The following RPIA variants were observed in gnomAD, a reference collection of about 807,000 sequenced individuals.
RPIA encodes the protein ribose 5-phosphate isomerase A.
RPIA carries 29 observed loss-of-function variants against 37.8 expected under a neutral mutation model. The observed-to-expected ratio is 0.77, with a 90% confidence interval of 0.57 to 1.05. RPIA has a LOEUF of 1.05. RPIA is among the 50% of genes least tolerant of loss of function. The pLI is 0.00. For synonymous variants in RPIA, 167 were observed against 157.0 expected, an observed-to-expected ratio of 1.06 and a Z score of -0.48; for missense variants, 385 against 413.6, an observed-to-expected ratio of 0.93 and a Z score of 0.60.
intron 3 of RPIA, 61 bp downstream of exon 3, chr2:88,700,125 G>T (rs1672810418): frequency 1.3e-6 from 2 of 1,538,280 alleles, no homozygotes; most frequent in Non-Finnish European, 1.8e-6. Flanking sequence ...GTTCCCCGGG[G>T]TTGTGGACCT....
intron 3 of RPIA, among the ~76,000 whole-genome samples, chr2:88,719,790 A>G (rs1261488849): frequency 2.0e-5 from 3 of 152,202 alleles, no homozygotes; most frequent in African/African-American, 4.8e-5. Flanking sequence ...TATAACTTCC[A>G]TAAGTCTTTT....
chr2:88,735,038 G>C (rs902161378), intron 5 of RPIA, among the ~76,000 whole-genome samples: 4 of 152,230 alleles, frequency 2.6e-5, no homozygotes, highest in African/African-American at 7.2e-5. Flanking sequence ...TATTTCTTAA[G>C]TGCTGATTTG....
chr2:88,738,746 CA>C (rs1301628336), intron 8 of RPIA, among the ~76,000 whole-genome samples: 5 of 152,198 alleles, frequency 3.3e-5, no homozygotes, highest in African/African-American at 1.2e-4. Flanking sequence ...CTTGGCATAA[CA>C]TAAGTTAAAC....
chr2:88,727,077 G>A (rs1673206180), intron 3 of RPIA, among the ~76,000 whole-genome samples: 1 of 148,678 alleles, frequency 6.7e-6, no homozygotes, highest in South Asian at 2.1e-4. Flanking sequence ...TATCTCTTGT[G>A]TGCGTGCGTG....
At chr2:88,692,122 T>G in intron 1 of RPIA, 139 bp downstream of exon 1, 7 of 1,077,916 alleles carry the variant, frequency 6.5e-6, no homozygotes, top group Non-Finnish European at 9.2e-6. Context: ...GTGTGCACTT[T>G]ACCCGAGTTT....
At chr2:88,745,763 A>G (rs1475887541) in intron 8 of RPIA, among the ~76,000 whole-genome samples, 2 of 152,094 alleles carry the variant, frequency 1.3e-5, no homozygotes, top group Admixed American at 1.3e-4. Flanking sequence ...CTAGGTGGTG[A>G]TCTTTTTGCA....
chr2:88,739,117 G>A (rs1039741452), intron 8 of RPIA, among the ~76,000 whole-genome samples: 9 of 152,188 alleles, frequency 5.9e-5, no homozygotes, highest in Admixed American at 5.9e-4. Flanking sequence ...GCTAGAGGAG[G>A]TATCAAGGGC....
intron 1 of RPIA, among the ~76,000 whole-genome samples, chr2:88,696,057 T>C (rs1672741528): frequency 6.6e-6 from 1 of 152,202 alleles, no homozygotes; most frequent in African/African-American, 2.4e-5. Flanking sequence ...AGTATTCCTA[T>C]GGCCTTTGTC....
chr2:88,701,653 T>C (rs1261052842), intron 3 of RPIA, among the ~76,000 whole-genome samples: 1 of 152,298 alleles, frequency 6.6e-6, no homozygotes, highest in Non-Finnish European at 1.5e-5. Flanking sequence ...TAAGTCAAAG[T>C]TAATTTTATT....
Position 88,750,810 on chromosome 2 carries a change from G to T in RPIA, c.*732G>T. 2 of 398,452 alleles carry T rather than the reference G, an allele frequency of 5.0e-6. No individual in the cohort carries two copies. Among genetic ancestry groups the T allele is most frequent in the South Asian group, 2.6e-4 (2 of 7,830 alleles). The allele number at this position is 398,452 out of a possible 1,614,324, so 24.7% of individuals were successfully genotyped here. On this transcript the variant is annotated 3_prime_UTR_variant, in exon 9 of 9. Transcript: ENST00000283646. The stretch of plus-strand genomic sequence containing the variant: ...AGTACTTTGTTTTTTTATTTTTAAT[G>T]ATTTTCTTTTTGTTATTAATATTTT...
intron 5 of RPIA, 26 bp downstream of exon 5, chr2:88,734,642 T>C: frequency 6.2e-7 from 1 of 1,611,606 alleles, no homozygotes; most frequent in South Asian, 1.1e-5. Flanking sequence ...GCTTCTGTGC[T>C]AAAGAGTATC....
intron 3 of RPIA, among the ~76,000 whole-genome samples, chr2:88,703,031 A>G (rs1040830591): frequency 6.6e-6 from 1 of 152,208 alleles, no homozygotes; most frequent in African/African-American, 2.4e-5. Context: ...TTAAAGCGCC[A>G]AAATGATCTC....
chr2:88,734,712 A>T, intron 5 of RPIA, 96 bp downstream of exon 5: 1 of 1,294,468 alleles, frequency 7.7e-7, no homozygotes, highest in East Asian at 2.3e-5. Context: ...CCACTGTGAC[A>T]TATGCAAGTT....
chr2:88,707,493 G>C (rs1672912096), intron 3 of RPIA, among the ~76,000 whole-genome samples: 1 of 152,074 alleles, frequency 6.6e-6, no homozygotes, highest in Non-Finnish European at 1.5e-5. Flanking sequence ...AATAATGTTG[G>C]GTGCTCCAAG....
intron 6 of RPIA, among the ~76,000 whole-genome samples, chr2:88,736,303 T>G (rs1043076624): frequency 6.6e-6 from 1 of 152,250 alleles, no homozygotes; most frequent in African/African-American, 2.4e-5. Flanking sequence ...ATTAAACACC[T>G]ACATACCCAC....
intron 3 of RPIA, among the ~76,000 whole-genome samples, chr2:88,700,936 C>G (rs1672822946): frequency 6.6e-6 from 1 of 152,144 alleles, no homozygotes; most frequent in African/African-American, 2.4e-5. Flanking sequence ...TTATGAGTGA[C>G]TGATGCTCCT....
chr2:88,723,033 G>A lies in RPIA; in HGVS notation c.403-6245G>A, dbSNP rs548476254. Among the ~76,000 whole-genome samples, 41 of 152,240 alleles carry A rather than the reference G, an allele frequency of 2.7e-4. 1 individual carries two copies. The South Asian group carries it at 8.1e-3, about 30-fold the overall frequency. ...TTATTTTTCCCTCTTTTGCAGCTGC[G>A]AGGAATTTTAGCGAAATTAGAAAGG... On this transcript the variant is annotated intron_variant, in intron 3 of 8. Transcript: ENST00000283646.
rs114563957 is a variant in RPIA at position 88,692,002 on chromosome 2, G to A, written c.285+19G>A. On this transcript the variant is annotated intron_variant, in intron 1 of 8. Transcript: ENST00000283646. ...CGTGAGGGTGAGCACTTCGAAACGT[G>A]GGGCGCGGGGCGCATGTCCTTGGCG... 6.0e-3 allele frequency: 9,395 copies of A among 1,566,044 alleles called. 36 individuals carry two copies. Among genetic ancestry groups the A allele is most frequent in the Non-Finnish European group, 7.4e-3 (8,526 of 1,157,968 alleles).
rs566268591 is a variant in RPIA at position 88,750,190 on chromosome 2, G to C, written c.*112G>C. 137 of 695,778 alleles carry C rather than the reference G, an allele frequency of 2.0e-4. No individual in the cohort carries two copies. In the African/African-American group the frequency reaches 2.2e-3, roughly 11 times the overall value. The allele number at this position is 695,778 out of a possible 1,614,324, so 43.1% of individuals were successfully genotyped here. On this transcript the variant is annotated 3_prime_UTR_variant, in exon 9 of 9. Transcript: ENST00000283646. ...TATCTCTGCCTGGACAACTTGTGGT[G>C]GGGGGTGGGGGGAAGAGTGGGAGGG...
Sources: gnomAD v4.1 joint callset for allele counts (sites outside exome capture counted in the v4.1 genomes callset) on GRCh38, gnomAD v4.1.1 for gene constraint, MANE v1.5 for transcripts, NCBI Gene and HGNC (gene_info 2026-07-23, HGNC 2026-07-21) for gene names.